PARD3: variants seen among roughly 807,000 people sequenced by gnomAD.
PARD3 encodes partitioning defective 3 homolog.
A neutral mutation model predicts 155.4 loss-of-function variants in PARD3; 75 were observed. The ratio of observed to expected loss-of-function variants is 0.48; its 90% CI spans 0.40 to 0.58. PARD3 has a LOEUF of 0.58. PARD3 is among the 20% of genes least tolerant of loss of function. PARD3 has a pLI of 0.00. For synonymous variants in PARD3, 576 were observed against 610.5 expected, an observed-to-expected ratio of 0.94 and a Z score of 0.83; for missense variants, 1,642 against 1,721.7, an observed-to-expected ratio of 0.95 and a Z score of 0.82.
At chr10:34,396,107 T>C (rs560179366) in intron 7 of PARD3, among the ~76,000 whole-genome samples, 3 of 152,290 alleles carry the variant, frequency 2.0e-5, no homozygotes, top group South Asian at 4.1e-4. Flanking sequence ...CCCAGCACTT[T>C]GGGAGGCTGA....
intron 2 of PARD3, among the ~76,000 whole-genome samples, chr10:34,602,041 TA>T (rs937494025): frequency 6.6e-6 from 1 of 151,930 alleles, no homozygotes; most frequent in African/African-American, 2.4e-5. Flanking sequence ...ATTAAAATTA[TA>T]AAAAAAAGAA....
At chr10:34,655,905 G>T (rs2093154953) in intron 2 of PARD3, among the ~76,000 whole-genome samples, 1 of 152,146 alleles carries the variant, frequency 6.6e-6, no homozygotes, top group South Asian at 2.1e-4. Flanking sequence ...AAGCAGCAAA[G>T]AGCAGGAGAC....
intron 2 of PARD3, among the ~76,000 whole-genome samples, chr10:34,558,670 C>T (rs1044286250): frequency 2.6e-5 from 4 of 152,150 alleles, no homozygotes; most frequent in African/African-American, 9.7e-5. Context: ...GTGGCTCATG[C>T]CTCTAATCCC....
chr10:34,670,259 G>A (rs1271319499), intron 2 of PARD3, among the ~76,000 whole-genome samples: 1 of 152,206 alleles, frequency 6.6e-6, no homozygotes, highest in South Asian at 2.1e-4. Context: ...CAAAACACAA[G>A]GGACGCCTTC....
rs188178819 is a variant in PARD3 at position 34,384,798 on chromosome 10, T to C, written c.891-544A>G. Among the ~76,000 whole-genome samples the C allele has an allele frequency of 9.2e-4, 140 of 152,326 alleles. 2 individuals carry two copies. Among genetic ancestry groups the C allele is most frequent in the Middle Eastern group, 6.8e-3 (2 of 294 alleles). On this transcript the variant is annotated intron_variant, in intron 7 of 24. Coordinates refer to ENST00000374788, the MANE Select transcript of PARD3 (RefSeq NM_001184785.2). ...CATTTGAATTTGATAGTGCTTAGTA[T>C]TGTGAATTTCAAAACCTGTCAGGTC...
intron 7 of PARD3, among the ~76,000 whole-genome samples, chr10:34,386,382 C>A (rs1428466413): frequency 6.6e-6 from 1 of 152,120 alleles, no homozygotes; most frequent in African/African-American, 2.4e-5. Flanking sequence ...ACTCTCAGTT[C>A]ATATTTGGGA....
chr10:34,534,494 C>T (rs1481477369), intron 2 of PARD3, among the ~76,000 whole-genome samples: 2 of 152,272 alleles, frequency 1.3e-5, no homozygotes, highest in East Asian at 3.9e-4. Flanking sequence ...GAATGGGTCA[C>T]ATGAGCTCTC....
chr10:34,789,339 C>T (rs951286249), intron 1 of PARD3, among the ~76,000 whole-genome samples: 1 of 152,026 alleles, frequency 6.6e-6, no homozygotes, highest in South Asian at 2.1e-4. Context: ...GGGAAGACAC[C>T]GATAAATTAA....
chr10:34,181,377 C>T (rs982203930), intron 22 of PARD3, among the ~76,000 whole-genome samples: 5 of 152,150 alleles, frequency 3.3e-5, no homozygotes, highest in Non-Finnish European at 7.3e-5. Context: ...AAATACGTAT[C>T]TGTATAACGA....
At chr10:34,601,079 C>T (rs564062207) in intron 2 of PARD3, among the ~76,000 whole-genome samples, 6 of 147,654 alleles carry the variant, frequency 4.1e-5, no homozygotes, top group East Asian at 2.0e-4. Flanking sequence ...CCAAAGTGCA[C>T]GCATTACAGG....
intron 2 of PARD3, among the ~76,000 whole-genome samples, chr10:34,629,381 T>A (rs2092144728): frequency 6.6e-6 from 1 of 152,202 alleles, no homozygotes; most frequent in African/African-American, 2.4e-5. Context: ...TCGCTCTGCA[T>A]GTACAAAAGT....
chr10:34,630,408 G>C (rs1280853593), intron 2 of PARD3, among the ~76,000 whole-genome samples: 1 of 151,236 alleles, frequency 6.6e-6, no homozygotes, highest in Non-Finnish European at 1.5e-5. Context: ...GTCCCGACCA[G>C]AGCATCCTAG....
chr10:34,732,148 C>T (rs541222313), intron 1 of PARD3, among the ~76,000 whole-genome samples: 1 of 152,198 alleles, frequency 6.6e-6, no homozygotes, highest in East Asian at 1.9e-4. Context: ...ACTCTTTCAA[C>T]CTGAGAACGC....
rs3039283 is a variant in PARD3 at position 34,233,017 on chromosome 10, A to ATTTTTTTTTTTT, written c.3419+36628_3419+36639dup. ...GTGCCCGGCCCATCCTCAAATGTTA[A>ATTTTTTTTTTTT]TTTTTTTTTTTTTTTTTTTTTTGCC... On this transcript the variant is annotated intron_variant, in intron 22 of 24. Transcript: ENST00000374788. Among the ~76,000 whole-genome samples, 112 of 96,176 alleles carry ATTTTTTTTTTTT rather than the reference A, an allele frequency of 1.2e-3. 11 individuals are homozygous for ATTTTTTTTTTTT. The highest frequency in any genetic ancestry group is 4.2e-3 in the African/African-American group (95 of 22,734). The allele number at this position is 96,176 out of a possible 152,430, so 63.1% of individuals were successfully genotyped here.
chr10:34,625,790 A>T (rs1037425453), intron 2 of PARD3, among the ~76,000 whole-genome samples: 4 of 152,170 alleles, frequency 2.6e-5, no homozygotes, highest in African/African-American at 9.7e-5. Context: ...GCATGCCTGT[A>T]ATCCCAGCTA....
intron 22 of PARD3, among the ~76,000 whole-genome samples, chr10:34,189,118 G>C (rs1206544787): frequency 6.6e-6 from 1 of 152,042 alleles, no homozygotes; most frequent in Admixed American, 6.6e-5. Flanking sequence ...GGTTGCCTGA[G>C]GCCAAGAGCT....
intron 1 of PARD3, among the ~76,000 whole-genome samples, chr10:34,745,057 C>T (rs913740215): frequency 4.6e-5 from 7 of 152,172 alleles, no homozygotes; most frequent in African/African-American, 1.7e-4. Flanking sequence ...CCAACCTCAT[C>T]GTTTTACAAA....
intron 1 of PARD3, among the ~76,000 whole-genome samples, chr10:34,792,035 C>T (rs893159047): frequency 5.3e-5 from 8 of 152,176 alleles, no homozygotes; most frequent in Admixed American, 3.9e-4. Context: ...TCCCAGGATG[C>T]ATCACGTGCT....
At chr10:34,619,782 C>T (rs779028797) in intron 2 of PARD3, among the ~76,000 whole-genome samples, 2 of 152,178 alleles carry the variant, frequency 1.3e-5, no homozygotes, top group Non-Finnish European at 2.9e-5. Context: ...CTACTGCTCA[C>T]CCTTTACCTG....
Sources: gnomAD v4.1 joint callset for allele counts (sites outside exome capture counted in the v4.1 genomes callset) on GRCh38, gnomAD v4.1.1 for gene constraint, MANE v1.5 for transcripts, NCBI Gene and HGNC (gene_info 2026-07-23, HGNC 2026-07-21) for gene names.